ATAD2B: variants seen among roughly 807,000 people sequenced by gnomAD.
ATAD2B encodes ATPase family AAA domain-containing protein 2B.
In ATAD2B, 40 loss-of-function variants were observed where a neutral mutation model predicts 167.6. The observed-to-expected ratio is 0.24, with a 90% CI of 0.19 to 0.31. ATAD2B has a LOEUF of 0.31. Among genes scored for constraint, ATAD2B ranks in the 10% least tolerant of loss-of-function variants. The probability of loss-of-function intolerance (pLI) is 1.00; values close to 1 mark genes in which losing one functional copy is unlikely to be tolerated. For synonymous variants in ATAD2B, 579 were observed against 596.5 expected (o/e 0.97, Z 0.43); for missense variants, 1,242 against 1,757.2 (o/e 0.71, Z 5.24).
intron 22 of ATAD2B, among the ~76,000 whole-genome samples, chr2:23,777,182 C>T (rs1367709760): frequency 3.3e-5 from 5 of 152,068 alleles, no homozygotes; most frequent in Admixed American, 1.3e-4. Context: ...GAGAAACCAA[C>T]CTGCTGACAC....
the ATAD2B span, among the ~76,000 whole-genome samples, chr2:23,694,470 G>A: frequency 0.049 from 7,447 of 152,088 alleles, 255 homozygotes; most frequent in Middle Eastern, 0.075. Flanking sequence ...CAGCCTGAGC[G>A]GTCTCTCTAA....
intron 1 of ATAD2B, among the ~76,000 whole-genome samples, chr2:23,915,677 CT>C (rs1318016870): frequency 1.3e-5 from 2 of 149,302 alleles, no homozygotes; most frequent in Non-Finnish European, 3.0e-5. Flanking sequence ...CTGCAGCCTC[CT>C]CCTCCTGGGT....
At chr2:23,838,640 G>A (rs1690383449) in intron 13 of ATAD2B, among the ~76,000 whole-genome samples, 1 of 152,108 alleles carries the variant, frequency 6.6e-6, no homozygotes, top group Non-Finnish European at 1.5e-5. Flanking sequence ...AAAATCCAAT[G>A]AAATGAATTG....
At chr2:23,879,533 G>C (rs1321321574) in intron 7 of ATAD2B, among the ~76,000 whole-genome samples, 1 of 152,156 alleles carries the variant, frequency 6.6e-6, no homozygotes. Flanking sequence ...CTTGAGCTCA[G>C]GAGTTTGAGG....
chr2:23,704,993 T>C, the ATAD2B span, among the ~76,000 whole-genome samples: 1 of 152,382 alleles, frequency 6.6e-6, no homozygotes, highest in Admixed American at 6.5e-5. Flanking sequence ...GAGGAAGTTC[T>C]ATCTGTGAAA....
At chr2:23,808,014 A>ATTAT (rs1366395570) in intron 18 of ATAD2B, among the ~76,000 whole-genome samples, 1 of 103,458 alleles carries the variant, frequency 9.7e-6, no homozygotes, top group East Asian at 2.5e-4. Flanking sequence ...ATTTATATAT[A>ATTAT]TTATTTATTT....
chr2:23,709,460 C>T, the ATAD2B span, among the ~76,000 whole-genome samples: 1 of 152,302 alleles, frequency 6.6e-6, no homozygotes, highest in African/African-American at 2.4e-5. Flanking sequence ...TAAGGACTTG[C>T]GTGCCAGGCT....
chr2:23,783,532 C>A (rs531055767), intron 21 of ATAD2B, among the ~76,000 whole-genome samples: 2 of 152,060 alleles, frequency 1.3e-5, no homozygotes, highest in African/African-American at 4.8e-5. Context: ...GGAGTCATCA[C>A]AAACATTTAG....
chr2:23,735,749 G>C, the ATAD2B span, among the ~76,000 whole-genome samples: 1 of 152,208 alleles, frequency 6.6e-6, no homozygotes, highest in Admixed American at 6.5e-5. Flanking sequence ...CCAATCATTT[G>C]TTTCTGGAAC....
chr2:23,710,583 G>A, the ATAD2B span, among the ~76,000 whole-genome samples: 1 of 152,212 alleles, frequency 6.6e-6, no homozygotes, highest in Non-Finnish European at 1.5e-5. Flanking sequence ...GAGCATCCAT[G>A]AGGAAATCAT....
the ATAD2B span, among the ~76,000 whole-genome samples, chr2:23,678,005 C>G: frequency 6.6e-6 from 1 of 152,228 alleles, no homozygotes; most frequent in Non-Finnish European, 1.5e-5. Flanking sequence ...TTCTCTGCTG[C>G]AAAGCCACTG....
intron 17 of ATAD2B, among the ~76,000 whole-genome samples, chr2:23,819,316 C>T (rs987725090): frequency 5.9e-5 from 9 of 152,052 alleles, no homozygotes; most frequent in Non-Finnish European, 1.2e-4. Context: ...CATAGTGAAA[C>T]CCCATCTCTA....
chr2:23,784,123 T>C (rs1365779311), intron 21 of ATAD2B, among the ~76,000 whole-genome samples: 1 of 152,104 alleles, frequency 6.6e-6, no homozygotes, highest in Non-Finnish European at 1.5e-5. Context: ...GCTGGATTCC[T>C]GCTTCTGGTA....
Position 23,904,931 on chromosome 2 carries a change from A to G in ATAD2B, c.217-8961T>C, listed in dbSNP as rs570836338. On this transcript the variant is annotated intron_variant, in intron 1 of 27. Coordinates refer to ENST00000238789, the MANE Select transcript of ATAD2B (RefSeq NM_017552.4). The stretch of plus-strand genomic sequence containing the variant: ...TATTTATTTATTTAGGGCCAACACT[A>G]TTCTACAAAGTCCTGAAATGGCAAG... Among the ~76,000 whole-genome samples the G allele has an allele frequency of 2.6e-5, 4 of 152,334 alleles. No individual in the cohort carries two copies. The South Asian group carries it at 6.2e-4, about 24-fold the overall frequency.
At chr2:23,746,639 G>A (rs539780948), downstream of ATAD2B, among the ~76,000 whole-genome samples, 2 of 152,126 alleles carry the variant, frequency 1.3e-5, no homozygotes, top group Admixed American at 6.5e-5. Context: ...AAGGGTGATA[G>A]GTATGAGACA....
chr2:23,714,258 G>A, the ATAD2B span, among the ~76,000 whole-genome samples: 4 of 91,018 alleles, frequency 4.4e-5, no homozygotes, highest in Admixed American at 1.2e-4. Flanking sequence ...TTTTTTTTTT[G>A]AGACAGAGTC....
At chr2:23,725,547 AAGGTAGAAAAATATTAACTTT>A in the ATAD2B span, among the ~76,000 whole-genome samples, 1 of 152,228 alleles carries the variant, frequency 6.6e-6, no homozygotes, top group East Asian at 1.9e-4. Context: ...TATATTACTT[AAGGTAGAAAAATATTAACTTT>A]AGGTACATTG....
the ATAD2B span, chr2:23,695,770 C>A: frequency 6.4e-7 from 1 of 1,551,338 alleles, no homozygotes; most frequent in Non-Finnish European, 8.7e-7. This position sits in a 1 kb window ranked among gnomAD's most constrained non-coding sequence, Gnocchi z 7.6. Flanking sequence ...TATGCTGCCC[C>A]ACGCCCGCCA....
chr2:23,909,589 C>T (rs1701976795), intron 1 of ATAD2B, among the ~76,000 whole-genome samples: 1 of 151,606 alleles, frequency 6.6e-6, no homozygotes, highest in Non-Finnish European at 1.5e-5. Flanking sequence ...ACATATAAAC[C>T]CATAGTACAT....
Sources: gnomAD v4.1 joint callset for allele counts (sites outside exome capture counted in the v4.1 genomes callset) on GRCh38, gnomAD v4.1.1 for gene constraint, Gnocchi (gnomAD v3.1) non-coding constraint, MANE v1.5 for transcripts, NCBI Gene and HGNC (gene_info 2026-07-23, HGNC 2026-07-21) for gene names.